Variants in DGKZ observed in about 807,000 individuals in gnomAD.
The protein encoded by DGKZ is diacylglycerol kinase zeta, also known as DAG kinase zeta.
In DGKZ, 45 loss-of-function variants were observed where a neutral mutation model predicts 142.5. That is an observed-to-expected ratio of 0.32 (90% confidence interval 0.25 to 0.40). DGKZ has a LOEUF of 0.40. Among genes scored for constraint, DGKZ ranks in the 10% least tolerant of loss-of-function variants. The pLI is 1.00. For synonymous variants in DGKZ, 442 were observed against 527.0 expected, an observed-to-expected ratio of 0.84 and a Z score of 2.21; for missense variants, 755 against 1,306.5, an observed-to-expected ratio of 0.58 and a Z score of 6.51.
At chr11:46,375,169 C>T in intron 19 of DGKZ, 124 bp downstream of exon 19, 3 of 1,012,236 alleles carry the variant, frequency 3.0e-6, no homozygotes, top group African/African-American at 1.6e-5. Flanking sequence ...TGTCTCATTC[C>T]TCTGGCTTGA....
intron 5 of DGKZ, 90 bp from the exon 6 acceptor site, chr11:46,369,851 C>A: frequency 7.1e-7 from 1 of 1,409,068 alleles, no homozygotes; most frequent in Non-Finnish European, 1.0e-6. Flanking sequence ...GCGCTTCCTG[C>A]AGCCCCGTGT....
At chr11:46,374,883 T>C (rs1944364832) in intron 18 of DGKZ, 44 bp downstream of exon 18, 3 of 1,581,232 alleles carry the variant, frequency 1.9e-6, no homozygotes, top group Middle Eastern at 1.7e-4. Context: ...CTGCTGTCCT[T>C]GTCCTGCAGA....
At chr11:46,360,206 T>C (rs7937648) in intron 1 of DGKZ, among the ~76,000 whole-genome samples, 6,702 of 152,292 alleles carry the variant, frequency 0.044, 503 homozygotes, top group African/African-American at 0.15. Context: ...CCACTCTTTT[T>C]GCTAACTTTT....
intron 9 of DGKZ, 98 bp downstream of exon 9, chr11:46,371,873 G>A (rs1365481110): frequency 1.4e-6 from 2 of 1,431,758 alleles, no homozygotes; most frequent in Non-Finnish European, 1.9e-6. Flanking sequence ...CTGCCAGCTG[G>A]TGGGGGTCTG....
chr11:46,378,406 A>C, intron 26 of DGKZ, 51 bp from the exon 27 acceptor site: 1 of 1,561,728 alleles, frequency 6.4e-7, no homozygotes, highest in Non-Finnish European at 8.7e-7. Context: ...TGAGGCACCA[A>C]CCCAAGCCCA....
At chr11:46,370,314 T>G (rs890827314) in intron 6 of DGKZ, among the ~76,000 whole-genome samples, 3 of 152,272 alleles carry the variant, frequency 2.0e-5, no homozygotes, top group African/African-American at 4.8e-5. Context: ...TGGATACTTG[T>G]GTGCCGAGCG....
chr11:46,371,304 T>C lies in DGKZ; in HGVS notation c.571-9T>C, dbSNP rs368815237. ...TGCCCTGGTTCCCATCCATCCTGTCTACCCTCAGGGATTCCAGCAGAAGTT... is the reference window on the plus strand; with the variant it reads ...TGCCCTGGTTCCCATCCATCCTGTCCACCCTCAGGGATTCCAGCAGAAGTT... On this transcript the variant is annotated splice_polypyrimidine_tract_variant and intron_variant, in intron 6 of 30. Coordinates refer to ENST00000527911, the Ensembl canonical transcript of DGKZ. The C allele has an allele frequency of 3.2e-5, 52 of 1,613,328 alleles. No individual in the cohort carries two copies. Among genetic ancestry groups the C allele is most frequent in the African/African-American group, 5.3e-5 (4 of 74,922 alleles).
Position 46,367,980 on chromosome 11 carries a change from G to T in DGKZ, c.367-22G>T. The T allele has an allele frequency of 6.2e-7, 1 of 1,613,502 alleles. No individual in the cohort carries two copies. Among genetic ancestry groups the T allele is most frequent in the South Asian group, 1.1e-5 (1 of 91,040 alleles). On this transcript the variant is annotated intron_variant, in intron 3 of 30. Coordinates refer to ENST00000527911, the Ensembl canonical transcript of DGKZ. This position sits in a 1 kb window ranked among gnomAD's most constrained non-coding sequence, Gnocchi z 4.1. ...GATAGACTTACCTGGTGCCTCAGGG[G>T]CCCTCTCTTCCTGTCCTGCAGCAGA...
intron 1 of DGKZ, among the ~76,000 whole-genome samples, chr11:46,357,404 CTAGAG>C (rs1436331421): frequency 1.3e-5 from 2 of 152,204 alleles, no homozygotes; most frequent in Non-Finnish European, 2.9e-5. Flanking sequence ...TTGGGGTCCT[CTAGAG>C]AGGAGAGGAA....
At position 46,378,509 on chromosome 11, in the gene DGKZ, T is replaced by C. The variant is rs773616735; in HGVS notation, c.2418+9T>C. The C allele has an allele frequency of 1.2e-6, 2 of 1,612,946 alleles. No homozygotes were observed. Among genetic ancestry groups the C allele is most frequent in the Non-Finnish European group, 1.7e-6 (2 of 1,179,822 alleles). ...GGAACGACTTCTGTAAGGTACTAGCTCCAGGCTCCAGTTCCTTCCCCCAGC... is the reference window on the plus strand; with the variant it reads ...GGAACGACTTCTGTAAGGTACTAGCCCCAGGCTCCAGTTCCTTCCCCCAGC... On this transcript the variant is annotated intron_variant, in intron 27 of 30. Coordinates refer to ENST00000527911, the Ensembl canonical transcript of DGKZ.
rs745999511 is a variant in DGKZ, at chr11:46,372,203, C to T, written c.927+33C>T. The T allele has an allele frequency of 1.7e-5, 27 of 1,552,258 alleles. No homozygotes were observed. Among genetic ancestry groups the T allele is most frequent in the South Asian group, 2.4e-5 (2 of 84,678 alleles). On this transcript the variant is annotated intron_variant, in intron 10 of 30. Coordinates refer to ENST00000527911, the Ensembl canonical transcript of DGKZ. This position sits in a 1 kb window ranked among gnomAD's most constrained non-coding sequence, Gnocchi z 5.9. ...CGGCCTTGCCTCTCAGCTAAGGGCT[C>T]GGGCGGGGGTTGGGGTCCAGCCCGT...
chr11:46,341,976 C>G (rs1220953222), intron 1 of DGKZ, among the ~76,000 whole-genome samples: 1 of 152,166 alleles, frequency 6.6e-6, no homozygotes, highest in East Asian at 1.9e-4. Flanking sequence ...AGGAGGCTGG[C>G]TGGGCGGGTT....
chr11:46,342,095 C>T (rs1940305470), intron 1 of DGKZ, among the ~76,000 whole-genome samples: 1 of 152,194 alleles, frequency 6.6e-6, no homozygotes, highest in Non-Finnish European at 1.5e-5. Flanking sequence ...AGAACACCAA[C>T]CTCTGGGGCC....
Position 46,366,558 on chromosome 11 carries a change from C to G in DGKZ, c.162-733C>G, listed in dbSNP as rs760495210. ...ACTCCACAGCCTACCACCGTGGGGG[C>G]CCAGCTTCTGGGTGCACCCCTGCTG... On this transcript the variant is annotated intron_variant, in intron 1 of 30. Coordinates refer to ENST00000527911, the Ensembl canonical transcript of DGKZ. The G allele has an allele frequency of 1.9e-5, 31 of 1,602,510 alleles. 1 individual carries two copies. In the Admixed American group the frequency reaches 2.9e-4, roughly 15 times the overall value.
At chr11:46,334,855 G>A (rs1352327382) in intron 1 of DGKZ, among the ~76,000 whole-genome samples, 3 of 152,156 alleles carry the variant, frequency 2.0e-5, no homozygotes, top group Non-Finnish European at 4.4e-5. Flanking sequence ...GAGACTCCTG[G>A]GATAAATGTC....
chr11:46,367,270 C>T lies in DGKZ; in HGVS notation c.162-21C>T. The T allele has an allele frequency of 6.2e-7, 1 of 1,602,656 alleles. No individual in the cohort carries two copies. Among genetic ancestry groups the T allele is most frequent in the Non-Finnish European group, 8.5e-7 (1 of 1,172,262 alleles). On this transcript the variant is annotated intron_variant, in intron 1 of 30. Transcript: ENST00000527911. The surrounding 1 kb of genome is among the most constrained non-coding windows in gnomAD (Gnocchi z 4.1). ...GTCAGCAAGTGCTCAGCCCCCTCCT[C>T]AGCTGTCTTCTCCTCTCTAGGAAAG...
intron 1 of DGKZ, among the ~76,000 whole-genome samples, chr11:46,355,137 G>A (rs1177850264): frequency 6.6e-6 from 1 of 152,016 alleles, no homozygotes; most frequent in East Asian, 1.9e-4. Flanking sequence ...TTGAGACAGA[G>A]TCTCACTCTC....
intron 1 of DGKZ, among the ~76,000 whole-genome samples, chr11:46,360,770 G>A (rs1425249875): frequency 1.3e-5 from 2 of 151,956 alleles, no homozygotes; most frequent in African/African-American, 2.4e-5. Flanking sequence ...TGGGTGACAG[G>A]GCAAGACTCC....
intron 1 of DGKZ, chr11:46,365,328 C>T: frequency 1.0e-6 from 1 of 985,438 alleles, no homozygotes; most frequent in South Asian, 4.7e-5. Flanking sequence ...CCCGGCATCA[C>T]CCAGCTTCAC....
Sources: gnomAD v4.1 joint callset for allele counts (sites outside exome capture counted in the v4.1 genomes callset) on GRCh38, gnomAD v4.1.1 for gene constraint, Gnocchi (gnomAD v3.1) non-coding constraint, MANE v1.5 for transcripts, NCBI Gene and HGNC (gene_info 2026-07-23, HGNC 2026-07-21) for gene names.